DAAM1: variants seen among roughly 807,000 people sequenced by gnomAD.
DAAM1 encodes disheveled-associated activator of morphogenesis 1.
DAAM1 carries 52 observed loss-of-function variants against 130.0 expected under a neutral mutation model. The ratio of observed to expected loss-of-function variants is 0.40; its 90% confidence interval spans 0.32 to 0.50. The LOEUF is 0.50. Among genes scored for constraint, DAAM1 ranks in the 20% least tolerant of loss-of-function variants. The pLI, the probability that DAAM1 is intolerant of heterozygous loss-of-function variation, is 0.61. For synonymous variants in DAAM1, 452 were observed against 444.5 expected (o/e 1.02, Z -0.21); for missense variants, 1,134 against 1,303.8 (o/e 0.87, Z 2.01).
chr14:59,323,216 C>A lies in DAAM1; in HGVS notation c.765C>A (p.Thr255=). ...ACCAGAAGTATGCCAGCGAAAGGAC[C>A]CGCTTTCAGGTGGGTGTTCGCTCAG... ...LHYQKYASER[T]RFQTLINDLD... Residue 255 remains threonine (T), a synonymous_variant, in exon 6 of 25, where the codon ACC becomes ACA. Coordinates refer to ENST00000360909, the MANE Select transcript of DAAM1 (RefSeq NM_001270520.2). 2 of 1,604,302 alleles carry A rather than the reference C, an allele frequency of 1.2e-6. No homozygotes were observed. Among genetic ancestry groups the A allele is most frequent in the Non-Finnish European group, 1.7e-6 (2 of 1,173,920 alleles).
At chr14:59,190,358 G>T (rs1887696068) in intron 1 of DAAM1, among the ~76,000 whole-genome samples, 1 of 152,064 alleles carries the variant, frequency 6.6e-6, no homozygotes, top group South Asian at 2.1e-4. Flanking sequence ...CCCCTTTCGG[G>T]CTAGCCGCAT....
intron 5 of DAAM1, among the ~76,000 whole-genome samples, chr14:59,321,705 T>A (rs757468096): frequency 6.6e-6 from 1 of 152,230 alleles, no homozygotes; most frequent in Non-Finnish European, 1.5e-5. Context: ...AAATAAAGAT[T>A]CCCTTTCTTT....
chr14:59,359,594 T>C, intron 21 of DAAM1, 90 bp downstream of exon 21: 1 of 887,964 alleles, frequency 1.1e-6, no homozygotes. Context: ...AGTCAGTCCT[T>C]CTATTTGTTT....
chr14:59,340,203 A>G, intron 16 of DAAM1, 23 bp downstream of exon 16: 1 of 1,603,162 alleles, frequency 6.2e-7, no homozygotes, highest in Non-Finnish European at 8.5e-7. Context: ...TTGAATAAAC[A>G]TTTCTAGTAG....
At chr14:59,293,974 G>T (rs760180108) in intron 3 of DAAM1, among the ~76,000 whole-genome samples, 2 of 152,090 alleles carry the variant, frequency 1.3e-5, no homozygotes, top group Non-Finnish European at 1.5e-5. Context: ...TTTCAAATCA[G>T]GCTTATCACC....
intron 20 of DAAM1, among the ~76,000 whole-genome samples, chr14:59,355,890 G>A (rs1886461542): frequency 6.6e-6 from 1 of 152,178 alleles, no homozygotes; most frequent in Admixed American, 6.5e-5. Context: ...ATACAGTGGA[G>A]GTAGCAACTA....
intron 1 of DAAM1, among the ~76,000 whole-genome samples, chr14:59,247,489 G>C (rs1001605794): frequency 6.6e-6 from 1 of 152,092 alleles, no homozygotes; most frequent in African/African-American, 2.4e-5. Context: ...TGTTGTCATC[G>C]TAACAATATT....
chr14:59,332,334 G>C (rs532076121), intron 15 of DAAM1, among the ~76,000 whole-genome samples: 3 of 152,194 alleles, frequency 2.0e-5, no homozygotes, highest in African/African-American at 7.2e-5. Flanking sequence ...ATTTGAAGCA[G>C]AATTCTTTGT....
rs763776492 is a variant in DAAM1, at chr14:59,331,506, G to C, written c.1858G>C (p.Glu620Gln). Reference protein sequence around the residue: ...LKSFNWSKLPENKLEGTVWTE... With the variant: ...LKSFNWSKLPQNKLEGTVWTE... ...ATCCTTCAACTGGTCTAAACTGCCC[G>C]AGGTGAGCCATTTGTTCCAGTTTTC... The change falls in exon 14 of 25, where the codon GAG becomes CAG. Residue 620 changes from glutamate (E) to glutamine (Q), a missense_variant and splice_region_variant. Glu to Gln is a conservative substitution (Grantham distance 29). This residue lies in a region of DAAM1 where 644 missense variants were observed against 695.9 expected (regional missense o/e 0.93). Transcript: ENST00000360909. 6.3e-7 allele frequency: 1 copy of C among 1,581,674 alleles called. No homozygotes were observed.
At chr14:59,320,386 T>G (rs1566701466) in intron 4 of DAAM1, 104 bp from the exon 5 acceptor site, 1 of 868,664 alleles carries the variant, frequency 1.2e-6, no homozygotes, top group Non-Finnish European at 1.7e-6. Context: ...AGATTTGTTG[T>G]TTATATTTAA....
intron 4 of DAAM1, among the ~76,000 whole-genome samples, chr14:59,317,452 C>T (rs190701497): frequency 6.6e-6 from 1 of 152,276 alleles, no homozygotes; most frequent in East Asian, 1.9e-4. Context: ...CTTGATAACA[C>T]ACAGCAGAAA....
chr14:59,239,919 G>A (rs1009915948), intron 1 of DAAM1, among the ~76,000 whole-genome samples: 2 of 152,104 alleles, frequency 1.3e-5, no homozygotes, highest in Non-Finnish European at 2.9e-5. Context: ...TTCCCTGATA[G>A]GCTTATTTAA....
chr14:59,335,644 C>T (rs1885598245), intron 15 of DAAM1, among the ~76,000 whole-genome samples: 1 of 152,126 alleles, frequency 6.6e-6, no homozygotes, highest in African/African-American at 2.4e-5. Flanking sequence ...TTCACTATCT[C>T]TTCCTTCCCC....
chr14:59,330,750 A>AC, intron 13 of DAAM1, 62 bp downstream of exon 13: 1 of 1,478,076 alleles, frequency 6.8e-7, no homozygotes, highest in Non-Finnish European at 9.1e-7. Context: ...AGAGCCCCTC[A>AC]CCCTTAAGTA....
rs1288583363 is a variant in DAAM1 at position 59,324,125 on chromosome 14, T to C, written c.775-3T>C. 3 of 1,386,812 alleles carry C rather than the reference T, an allele frequency of 2.2e-6. No individual in the cohort carries two copies. The highest frequency in any genetic ancestry group is 2.8e-6 in the Non-Finnish European group (3 of 1,059,234). 85.9% of individuals were successfully genotyped at this position (1,386,812 alleles called of 1,614,324 possible). A position where few individuals can be genotyped will look rare whatever the true frequency, so the allele number is the denominator to read the frequency against. Reference sequence around the variant, plus strand: ...CAGTCCTTTGTTTTTCTATTTTTGATAGACATTAATTAACGACTTGGATAA... The same window carrying C: ...CAGTCCTTTGTTTTTCTATTTTTGACAGACATTAATTAACGACTTGGATAA... On this transcript the variant is annotated splice_polypyrimidine_tract_variant and splice_region_variant and intron_variant, in intron 6 of 24. Coordinates refer to ENST00000360909, the MANE Select transcript of DAAM1 (RefSeq NM_001270520.2).
chr14:59,282,316 C>CAATGCCTAT (rs1883257995), intron 2 of DAAM1, among the ~76,000 whole-genome samples: 1 of 152,148 alleles, frequency 6.6e-6, no homozygotes, highest in South Asian at 2.1e-4. Flanking sequence ...GCTTTTTGAA[C>CAATGCCTAT]CCTGTGCCTA....
chr14:59,202,319 C>T (rs75255901), intron 1 of DAAM1, among the ~76,000 whole-genome samples: 13,692 of 152,202 alleles, frequency 0.09, 808 homozygotes, highest in Non-Finnish European at 0.13. Flanking sequence ...CCCAGAGTTA[C>T]AGTGACCCAA....
chr14:59,263,484 C>G lies in DAAM1; in HGVS notation c.7C>G (p.Pro3Ala). The part of the protein sequence containing the change: MA[P>A]RKRGGRGISF... Reference sequence around the variant, plus strand: ...AATAGAACAGAATTCAGCCATGGCCCCAAGAAAGAGAGGTGGACGAGGTAT... The same window carrying G: ...AATAGAACAGAATTCAGCCATGGCCGCAAGAAAGAGAGGTGGACGAGGTAT... Residue 3 changes from proline (P) to alanine (A), a missense_variant, in exon 2 of 25, where the codon CCA (proline) becomes GCA (alanine). Physicochemically the swap from Pro to Ala is conservative, Grantham distance 27. Transcript: ENST00000360909. 6.2e-7 allele frequency: 1 copy of G among 1,614,152 alleles called. No homozygotes were observed. The highest frequency in any genetic ancestry group is 8.5e-7 in the Non-Finnish European group (1 of 1,180,016).
chr14:59,272,608 TACACACACACAC>T (rs35308018), intron 2 of DAAM1, among the ~76,000 whole-genome samples: 2 of 136,942 alleles, frequency 1.5e-5, no homozygotes, highest in Non-Finnish European at 3.4e-5. Context: ...TATATATATA[TACACACACACAC>T]ACACACACAC....
Sources: gnomAD v4.1 joint callset for allele counts (sites outside exome capture counted in the v4.1 genomes callset) on GRCh38, gnomAD v4.1.1 for gene constraint, gnomAD v4.1.1 regional missense constraint, MANE v1.5 for transcripts, NCBI Gene and HGNC (gene_info 2026-07-23, HGNC 2026-07-21) for gene names.